The following AK8 variants were observed in gnomAD, a reference collection of about 807,000 sequenced individuals.
The protein encoded by AK8 is adenylate kinase 8, also known as ATP-AMP transphosphorylase 8.
Under a neutral mutation model 54.6 loss-of-function variants are expected in AK8, and 44 were observed. The observed-to-expected ratio is 0.81, with a 90% CI of 0.63 to 1.04. AK8 has a LOEUF of 1.04. Ranked by LOEUF, AK8 falls within the 50% of genes least tolerant of loss-of-function variation. AK8 has a pLI of 0.00. For synonymous variants in AK8, 239 were observed against 245.6 expected (o/e 0.97, Z 0.25); for missense variants, 555 against 613.6 (o/e 0.90, Z 1.01).
chr9:132,746,612 A>G (rs760560690), intron 11 of AK8, among the ~76,000 whole-genome samples: 6 of 152,232 alleles, frequency 3.9e-5, no homozygotes, highest in Non-Finnish European at 8.8e-5. Flanking sequence ...TCTATCCATC[A>G]CTTTCCTCTT....
At chr9:132,741,899 C>T (rs375356290) in intron 11 of AK8, among the ~76,000 whole-genome samples, 2 of 152,130 alleles carry the variant, frequency 1.3e-5, no homozygotes, top group African/African-American at 2.4e-5. Context: ...CATGGCTCTC[C>T]AAGTCTCCAC....
intron 9 of AK8, among the ~76,000 whole-genome samples, chr9:132,817,808 A>G (rs1316129771): frequency 2.6e-5 from 4 of 152,228 alleles, no homozygotes; most frequent in Non-Finnish European, 5.9e-5. Context: ...AGATTTCAGA[A>G]GATAATGACA....
intron 11 of AK8, among the ~76,000 whole-genome samples, chr9:132,765,332 A>G (rs941915181): frequency 2.0e-5 from 3 of 150,714 alleles, no homozygotes; most frequent in Non-Finnish European, 4.4e-5. Flanking sequence ...CACCATAATC[A>G]TGTGGTGCAT....
chr9:132,776,252 C>T (rs976185348), intron 11 of AK8, among the ~76,000 whole-genome samples: 1 of 152,240 alleles, frequency 6.6e-6, no homozygotes, highest in Non-Finnish European at 1.5e-5. Context: ...CTGGCCACAA[C>T]CTTGGGCTCG....
chr9:132,876,920 C>T (rs1362468934), intron 1 of AK8, among the ~76,000 whole-genome samples: 2 of 151,850 alleles, frequency 1.3e-5, no homozygotes, highest in African/African-American at 4.8e-5. Flanking sequence ...AAACATTAGC[C>T]AGGTATGGTG....
intron 11 of AK8, among the ~76,000 whole-genome samples, chr9:132,787,347 C>A (rs74930487): frequency 6.6e-6 from 1 of 152,016 alleles, no homozygotes; most frequent in Non-Finnish European, 1.5e-5. Context: ...AATTTCAGAA[C>A]CCTGGAGACA....
chr9:132,760,001 G>A (rs1838377339), intron 11 of AK8, among the ~76,000 whole-genome samples: 1 of 152,138 alleles, frequency 6.6e-6, no homozygotes, highest in Admixed American at 6.5e-5. Flanking sequence ...CTGGATCTAT[G>A]ATCAATTTGG....
At chr9:132,772,945 A>G (rs1839048881) in intron 11 of AK8, among the ~76,000 whole-genome samples, 1 of 152,176 alleles carries the variant, frequency 6.6e-6, no homozygotes, top group South Asian at 2.1e-4. Flanking sequence ...CTGGCCTCCC[A>G]GCTGCTACCT....
intron 5 of AK8, among the ~76,000 whole-genome samples, chr9:132,848,771 G>A (rs538726388): frequency 6.6e-6 from 1 of 152,312 alleles, no homozygotes; most frequent in South Asian, 2.1e-4. Flanking sequence ...TGAAAACCAT[G>A]CAGGGCCTGC....
At chr9:132,852,769 CAAAAAAAAAA>C (rs35786801) in intron 5 of AK8, among the ~76,000 whole-genome samples, 2 of 16,422 alleles carry the variant, frequency 1.2e-4, no homozygotes. Flanking sequence ...GATTAGGTCT[CAAAAAAAAAA>C]AAAAAAAAAA....
intron 11 of AK8, among the ~76,000 whole-genome samples, chr9:132,771,217 C>T (rs60814623): frequency 0.033 from 4,979 of 152,252 alleles, 268 homozygotes; most frequent in African/African-American, 0.11. Context: ...CCTGGTCTTG[C>T]TGGAAGGACT....
At chr9:132,811,850 C>G (rs1390505426) in intron 10 of AK8, among the ~76,000 whole-genome samples, 1 of 152,104 alleles carries the variant, frequency 6.6e-6, no homozygotes, top group Non-Finnish European at 1.5e-5. Flanking sequence ...AATCTGGAAA[C>G]CACCAAAATA....
At chr9:132,797,214 G>A (rs1237969004) in intron 10 of AK8, among the ~76,000 whole-genome samples, 2 of 151,928 alleles carry the variant, frequency 1.3e-5, no homozygotes, top group Non-Finnish European at 2.9e-5. Flanking sequence ...TGAAAGCAGG[G>A]ATCCCCCCAG....
At chr9:132,779,551 G>C (rs1839373300) in intron 11 of AK8, among the ~76,000 whole-genome samples, 1 of 152,224 alleles carries the variant, frequency 6.6e-6, no homozygotes. Context: ...ATTTGAATAA[G>C]AGTCGGCCCT....
intron 10 of AK8, among the ~76,000 whole-genome samples, chr9:132,807,192 G>C (rs1014282052): frequency 6.6e-6 from 1 of 152,166 alleles, no homozygotes; most frequent in African/African-American, 2.4e-5. Context: ...AGATGCTGGG[G>C]GGGGCGGGGC....
At chr9:132,827,786 C>T in intron 7 of AK8, 1 of 544,162 alleles carries the variant, frequency 1.8e-6, no homozygotes, top group Non-Finnish European at 3.3e-6. Flanking sequence ...TCTGGTTCTG[C>T]CACAAGAAAG....
At chr9:132,746,631 G>A (rs995400181) in intron 11 of AK8, among the ~76,000 whole-genome samples, 6 of 152,152 alleles carry the variant, frequency 3.9e-5, no homozygotes, top group Non-Finnish European at 8.8e-5. Context: ...TTCCACAAAC[G>A]CACATGACAG....
At position 132,826,847 on chromosome 9, in the gene AK8, T is replaced by A. The variant is rs1219736183; in HGVS notation, c.757+7A>T. The stretch of plus-strand genomic sequence containing the variant: ...TGTCCAGGGTGGGGCTGCCTGCTTG[T>A]GTTTACCCTGGTAGAAGACGTCCAC... On this transcript the variant is annotated splice_region_variant and intron_variant, in intron 8 of 12. Transcript: ENST00000298545. The surrounding 1 kb of genome is among the most constrained non-coding windows in gnomAD (Gnocchi z 4.5). 6.2e-7 allele frequency: 1 copy of A among 1,614,132 alleles called. No individual in the cohort carries two copies. The highest frequency in any genetic ancestry group is 8.5e-7 in the Non-Finnish European group (1 of 1,179,970).
rs191423222 is a variant in AK8, at chr9:132,855,402, T to C, written c.334-477A>G. Among the ~76,000 whole-genome samples, 15 of 152,294 alleles carry C rather than the reference T, an allele frequency of 9.8e-5. No individual in the cohort carries two copies. In the East Asian group the frequency reaches 2.7e-3, roughly 27 times the overall value. On this transcript the variant is annotated intron_variant, in intron 4 of 12. Transcript: ENST00000298545. ...TTCAAGGAAAGGGACAGTGTCCTAC[T>C]GACTCTGGACTCCAGACAGTGGCGG...
Sources: allele counts gnomAD v4.1 joint callset (sites outside exome capture counted in the v4.1 genomes callset), GRCh38; gene constraint gnomAD v4.1.1; non-coding constraint Gnocchi (gnomAD v3.1); transcripts MANE v1.5; gene names NCBI Gene and HGNC (gene_info 2026-07-23, HGNC 2026-07-21).